Variants in PRDM4 observed in about 807,000 individuals in gnomAD.
PRDM4 encodes the protein PR/SET domain 4, also known as PR domain zinc finger protein 4.
PRDM4 carries 38 observed loss-of-function variants against 62.3 expected under a neutral mutation model. The ratio of observed to expected loss-of-function variants is 0.61; its 90% confidence interval spans 0.47 to 0.80. The LOEUF (loss-of-function observed/expected upper bound fraction) is 0.80. PRDM4 is among the 30% of genes least tolerant of loss of function. The probability of loss-of-function intolerance (pLI) is 0.00; values close to 1 mark genes in which losing one functional copy is unlikely to be tolerated. For missense variants in PRDM4, 858 were observed against 997.1 expected (o/e 0.86, Z 1.88); for synonymous variants, 339 against 348.2 (o/e 0.97, Z 0.30).
At chr12:107,738,883 A>ACT (rs1036065826) in intron 11 of PRDM4, among the ~76,000 whole-genome samples, 2 of 18,384 alleles carry the variant, frequency 1.1e-4, no homozygotes, top group African/African-American at 2.8e-4. Flanking sequence ...AGACAAACAC[A>ACT]CACACACACA....
chr12:107,753,443 G>C (rs960311579), intron 4 of PRDM4, among the ~76,000 whole-genome samples: 1 of 151,620 alleles, frequency 6.6e-6, no homozygotes, highest in South Asian at 2.1e-4. Context: ...ATGAAAATTG[G>C]TAAAAACCTA....
intron 2 of PRDM4, 72 bp downstream of exon 2, chr12:107,760,433 A>G: frequency 6.3e-7 from 1 of 1,592,882 alleles, no homozygotes; most frequent in South Asian, 1.1e-5. Flanking sequence ...AAACAACGGC[A>G]CTGACCCTGG....
Position 107,732,958 on chromosome 12 carries a change from A to C in PRDM4, c.*1252T>G, listed in dbSNP as rs770278508. ...CATTCCATAAATACATTAGCAGCAAAACCTTCCCACCAGAGTCCTCTACTC... is the reference window on the plus strand; with the variant it reads ...CATTCCATAAATACATTAGCAGCAACACCTTCCCACCAGAGTCCTCTACTC... On this transcript the variant is annotated 3_prime_UTR_variant, in exon 12 of 12. Transcript: ENST00000228437. 3 of 152,596 alleles carry C rather than the reference A, an allele frequency of 2.0e-5. No individual in the cohort carries two copies. The highest frequency in any genetic ancestry group is 4.4e-5 in the Non-Finnish European group (3 of 68,040). The allele number at this position is 152,596 out of a possible 1,614,324, so 9.5% of individuals were successfully genotyped here.
intron 5 of PRDM4, among the ~76,000 whole-genome samples, chr12:107,747,270 T>C (rs527640258): frequency 6.6e-6 from 1 of 152,034 alleles, no homozygotes; most frequent in Admixed American, 6.5e-5. Context: ...AAGAGGAAAC[T>C]GAGTTGAAAT....
At chr12:107,741,683 A>T (rs999993967) in intron 9 of PRDM4, among the ~76,000 whole-genome samples, 1 of 152,312 alleles carries the variant, frequency 6.6e-6, no homozygotes, top group Non-Finnish European at 1.5e-5. Context: ...GCACCACTAC[A>T]CTCCAGCCTG....
Position 107,754,061 on chromosome 12 carries a change from G to A in PRDM4, c.194C>T (p.Pro65Leu). Residue 65 changes from proline (P) to leucine (L), a missense_variant, in exon 4 of 12, where the codon CCT becomes CTT. Transcript: ENST00000228437. ...PNLGPSLSSL[P>L]SALSLMLPMG... is the part of the protein sequence containing the mutation. ...TGGTAGCATTAAAGACAGAGCAGAA[G>A]GCAGAGAGCTCAGGGAGGGACCCAG... 6.2e-7 allele frequency: 1 copy of A among 1,613,718 alleles called. No individual in the cohort carries two copies. Among genetic ancestry groups the A allele is most frequent in the Non-Finnish European group, 8.5e-7 (1 of 1,179,758 alleles).
intron 6 of PRDM4, among the ~76,000 whole-genome samples, chr12:107,745,342 G>A (rs1566095841): frequency 1.3e-5 from 2 of 152,154 alleles, no homozygotes; most frequent in Non-Finnish European, 2.9e-5. Context: ...AGGCAGGACT[G>A]CTTGAGGCCA....
intron 11 of PRDM4, among the ~76,000 whole-genome samples, chr12:107,737,200 C>T (rs1010492150): frequency 1.3e-5 from 2 of 151,980 alleles, no homozygotes; most frequent in African/African-American, 4.8e-5. Flanking sequence ...AGGGGGGGAA[C>T]TCCTCTTGCA....
At position 107,734,439 on chromosome 12, in the gene PRDM4, C is replaced by T. The variant is rs1462487931; in HGVS notation, c.2177G>A (p.Gly726Glu). 2 of 1,613,996 alleles carry T rather than the reference C, an allele frequency of 1.2e-6. No individual in the cohort carries two copies. Among genetic ancestry groups the T allele is most frequent in the African/African-American group, 2.7e-5 (2 of 74,918 alleles). Residue 726 changes from glycine to glutamate, a missense_variant, in exon 12 of 12, where the codon GGA becomes GAA. Coordinates refer to ENST00000228437, the MANE Select transcript of PRDM4 (RefSeq NM_012406.4). ...HLKKHLNSHE[G>E]KRDYVCEKCT... is the part of the protein sequence containing the mutation. ...TTTTTCACAGACATAATCCCGTTTT[C>T]CTTCATGAGAATTGAGATGCTTCTT... is the stretch of plus-strand genomic sequence containing the variant.
At chr12:107,745,042 A>G (rs1890648120) in intron 6 of PRDM4, among the ~76,000 whole-genome samples, 1 of 152,220 alleles carries the variant, frequency 6.6e-6, no homozygotes, top group East Asian at 1.9e-4. Flanking sequence ...CCTGGGTGAC[A>G]AAGCGAGACT....
Position 107,751,885 on chromosome 12 carries a change from G to C in PRDM4, c.656C>G (p.Ala219Gly). 1 of 1,614,238 alleles carries C rather than the reference G, an allele frequency of 6.2e-7. No homozygotes were observed. ...ATTTGGGATTTGGGAATGCTCGCCT[G>C]CAACACCGTCCATCGTAAGCTCCTC... Reference protein sequence around the residue: ...MAEELTMDGVAGEHSQIPNGS... With the variant: ...MAEELTMDGVGGEHSQIPNGS... The change falls in exon 5 of 12, where the codon GCA becomes GGA. Residue 219 changes from alanine to glycine, a missense_variant. By Grantham distance (60) the Ala-to-Gly change is moderately conservative (BLOSUM62 0). This residue lies in a region of PRDM4 where 499 missense variants were observed against 546.7 expected (regional missense o/e 0.91). Transcript: ENST00000228437.
At chr12:107,760,469 G>T (rs1351828494) in intron 2 of PRDM4, 36 bp downstream of exon 2, 2 of 1,611,918 alleles carry the variant, frequency 1.2e-6, no homozygotes, top group Non-Finnish European at 1.7e-6. Flanking sequence ...AGTTTCCAAC[G>T]ATGTCACCAG....
At chr12:107,760,101 T>C (rs77110644) in intron 2 of PRDM4, 1,599 of 158,482 alleles carry the variant, frequency 0.01, 22 homozygotes, top group Non-Finnish European at 0.011. Flanking sequence ...GTGGCCTGCT[T>C]CTGTACTTAA....
intron 11 of PRDM4, among the ~76,000 whole-genome samples, chr12:107,737,473 C>CTA (rs1452073460): frequency 6.6e-6 from 1 of 152,120 alleles, no homozygotes; most frequent in Non-Finnish European, 1.5e-5. Flanking sequence ...AGAGGCTTAC[C>CTA]ATATCTTCTC....
intron 5 of PRDM4, among the ~76,000 whole-genome samples, chr12:107,746,836 G>A (rs1287290331): frequency 1.3e-5 from 2 of 152,062 alleles, no homozygotes; most frequent in East Asian, 1.9e-4. Flanking sequence ...TAAGAAGCAC[G>A]GTTCTAATAG....
At chr12:107,736,726 T>G (rs1566091203) in intron 11 of PRDM4, 1 of 152,110 alleles carries the variant, frequency 6.6e-6, no homozygotes, top group Non-Finnish European at 1.5e-5. Flanking sequence ...GCGGAGTAGA[T>G]GAGGAGAAAC....
rs7307364 is a variant in PRDM4 at position 107,746,222 on chromosome 12, C to T, written c.1276+53G>A. On this transcript the variant is annotated intron_variant, in intron 6 of 11. Coordinates refer to ENST00000228437, the MANE Select transcript of PRDM4 (RefSeq NM_012406.4). ...ATACACATCCACTTTTACAACTCTACGCTACAAAGGAAGAAGAGATGTAAT... is the reference window on the plus strand; with the variant it reads ...ATACACATCCACTTTTACAACTCTATGCTACAAAGGAAGAAGAGATGTAAT... 4.9e-3 allele frequency: 7,769 copies of T among 1,589,384 alleles called. 352 individuals carry two copies. In the African/African-American group the frequency reaches 0.091, roughly 19 times the overall value.
intron 4 of PRDM4, 30 bp from the exon 5 acceptor site, chr12:107,752,239 G>C: frequency 6.7e-7 from 1 of 1,483,348 alleles, no homozygotes; most frequent in South Asian, 1.1e-5. Flanking sequence ...AGATATCAGA[G>C]ACTTTTAGTA....
At chr12:107,752,290 C>T (rs1248270282) in intron 4 of PRDM4, 81 bp from the exon 5 acceptor site, 2 of 1,043,746 alleles carry the variant, frequency 1.9e-6, no homozygotes, top group African/African-American at 3.2e-5. Flanking sequence ...TATTTCCTTA[C>T]AAACATAACT....
Sources: gnomAD v4.1 joint callset for allele counts (sites outside exome capture counted in the v4.1 genomes callset) on GRCh38, gnomAD v4.1.1 for gene constraint, gnomAD v4.1.1 regional missense constraint, MANE v1.5 for transcripts, NCBI Gene and HGNC (gene_info 2026-07-23, HGNC 2026-07-21) for gene names.